The following BCKDHB variants were observed in gnomAD, a reference collection of about 807,000 sequenced individuals.
BCKDHB encodes the protein 2-oxoisovalerate dehydrogenase subunit beta, mitochondrial.
In BCKDHB, 41 loss-of-function variants were observed where a neutral mutation model predicts 48.5. That is an observed-to-expected ratio of 0.85 (90% CI 0.66 to 1.10). The LOEUF (loss-of-function observed/expected upper bound fraction) is 1.10. BCKDHB is among the 50% of genes least tolerant of loss of function. The pLI is 0.00. For synonymous variants in BCKDHB, 201 were observed against 174.8 expected (o/e 1.15, Z -1.18); for missense variants, 496 against 494.2 (o/e 1.00, Z -0.03).
chr6:80,321,858 C>G (rs1213445341), intron 9 of BCKDHB, among the ~76,000 whole-genome samples: 1 of 152,128 alleles, frequency 6.6e-6, no homozygotes, highest in Non-Finnish European at 1.5e-5. Flanking sequence ...ATTGCACCTG[C>G]AATTGATGGA....
intron 3 of BCKDHB, among the ~76,000 whole-genome samples, chr6:80,165,028 G>A (rs1424981524): frequency 1.3e-5 from 2 of 152,232 alleles, no homozygotes; most frequent in South Asian, 2.1e-4. Flanking sequence ...AATCAAACAT[G>A]TTTTGGGGTA....
At chr6:80,363,892 G>T in the BCKDHB span, among the ~76,000 whole-genome samples, 1 of 152,214 alleles carries the variant, frequency 6.6e-6, no homozygotes, top group African/African-American at 2.4e-5. Flanking sequence ...ACTGACATTT[G>T]TATAACACCA....
chr6:80,360,592 T>TGGC, the BCKDHB span, among the ~76,000 whole-genome samples: 1 of 152,222 alleles, frequency 6.6e-6, no homozygotes, highest in Admixed American at 6.5e-5. Context: ...GCCATTTTTT[T>TGGC]ATTAGAAGAA....
the BCKDHB span, among the ~76,000 whole-genome samples, chr6:80,418,008 A>G: frequency 1.3e-5 from 2 of 152,038 alleles, no homozygotes; most frequent in East Asian, 1.9e-4. Context: ...AATCCCATAT[A>G]TCTTGGAGGT....
rs148191757 is a variant in BCKDHB at position 80,165,426 on chromosome 6, G to A, written c.344-2252G>A. ...GCAAACTACAGGATGTGTCTGGTCG[G>A]CATTTCCCAACACCTGCCCCATGTT... On this transcript the variant is annotated intron_variant, in intron 3 of 9. Transcript: ENST00000320393. Among the ~76,000 whole-genome samples, 243 of 152,212 alleles carry A rather than the reference G, an allele frequency of 1.6e-3. 1 individual carries two copies. Among genetic ancestry groups the A allele is most frequent in the African/African-American group, 5.6e-3 (234 of 41,540 alleles).
intron 3 of BCKDHB, among the ~76,000 whole-genome samples, chr6:80,137,272 T>TC (rs1220399503): frequency 2.0e-5 from 3 of 152,196 alleles, no homozygotes; most frequent in Non-Finnish European, 4.4e-5. Context: ...GTACAAACGG[T>TC]CACTGTATTT....
the BCKDHB span, among the ~76,000 whole-genome samples, chr6:80,409,848 G>A: frequency 6.6e-6 from 1 of 151,498 alleles, no homozygotes; most frequent in Non-Finnish European, 1.5e-5. Flanking sequence ...CCTGAATACA[G>A]CACTCTGATG....
At chr6:80,320,125 T>C (rs1768644737) in intron 9 of BCKDHB, among the ~76,000 whole-genome samples, 1 of 152,190 alleles carries the variant, frequency 6.6e-6, no homozygotes, top group Non-Finnish European at 1.5e-5. Flanking sequence ...TTAAATAGGA[T>C]ATGTTTACAT....
At chr6:80,218,289 A>G (rs1181841581) in intron 8 of BCKDHB, among the ~76,000 whole-genome samples, 1 of 152,100 alleles carries the variant, frequency 6.6e-6, no homozygotes, top group Admixed American at 6.6e-5. Context: ...GCTGGAAAAC[A>G]TAGTTTTTTT....
At chr6:80,331,472 C>A (rs1443851652) in intron 9 of BCKDHB, among the ~76,000 whole-genome samples, 1 of 152,150 alleles carries the variant, frequency 6.6e-6, no homozygotes, top group East Asian at 1.9e-4. Flanking sequence ...TAAAAGCAAA[C>A]CACTTCAACC....
chr6:80,405,787 G>A, the BCKDHB span, among the ~76,000 whole-genome samples: 4 of 152,014 alleles, frequency 2.6e-5, no homozygotes, highest in South Asian at 8.3e-4. Context: ...ATTTAATACT[G>A]ATAGCATATA....
the BCKDHB span, among the ~76,000 whole-genome samples, chr6:80,401,975 G>T: frequency 2.0e-4 from 30 of 151,574 alleles, 2 homozygotes; most frequent in Non-Finnish European, 1.5e-5. Flanking sequence ...TCTACATATT[G>T]TATATTGTGT....
the BCKDHB span, among the ~76,000 whole-genome samples, chr6:80,423,445 G>A: frequency 6.6e-6 from 1 of 152,228 alleles, no homozygotes; most frequent in Middle Eastern, 3.4e-3. Flanking sequence ...GATATGGGTT[G>A]GAACCTCTTA....
chr6:80,204,834 G>T (rs1471241576), intron 8 of BCKDHB, among the ~76,000 whole-genome samples: 2 of 151,990 alleles, frequency 1.3e-5, no homozygotes, highest in Admixed American at 6.6e-5. Context: ...ATAGCAGTTT[G>T]CTTTTGCATC....
intron 8 of BCKDHB, among the ~76,000 whole-genome samples, chr6:80,263,884 A>G (rs1464666073): frequency 1.3e-5 from 2 of 152,122 alleles, no homozygotes; most frequent in Non-Finnish European, 2.9e-5. Flanking sequence ...TAGAACTGTT[A>G]TGATGGCCAG....
In BCKDHB at chr6:80,344,075, A is replaced by T. The variant is rs1321188022; in HGVS notation, c.*271A>T. On this transcript the variant is annotated 3_prime_UTR_variant, in exon 10 of 10. Coordinates refer to ENST00000320393, the MANE Select transcript of BCKDHB (RefSeq NM_183050.4). Reference sequence around the variant, plus strand: ...GACTGCAGTGGTGCAATCTCAGCTCACTGCAACCTCCCCCCTACCCCTGAG... The same window carrying T: ...GACTGCAGTGGTGCAATCTCAGCTCTCTGCAACCTCCCCCCTACCCCTGAG... 6.8e-6 allele frequency: 3 copies of T among 443,220 alleles called. No homozygotes were observed. In the East Asian group the frequency reaches 1.5e-4, roughly 22 times the overall value. The allele number at this position is 443,220 out of a possible 1,614,324, so 27.5% of individuals were successfully genotyped here.
chr6:80,249,424 A>C (rs1005382544), intron 8 of BCKDHB, among the ~76,000 whole-genome samples: 1 of 149,196 alleles, frequency 6.7e-6, no homozygotes, highest in Non-Finnish European at 1.5e-5. Flanking sequence ...TTTACCATTA[A>C]AAAAAAAATC....
At chr6:80,152,260 C>G (rs1184402543) in intron 3 of BCKDHB, among the ~76,000 whole-genome samples, 1 of 151,862 alleles carries the variant, frequency 6.6e-6, no homozygotes, top group Non-Finnish European at 1.5e-5. Flanking sequence ...ACTTTAATCT[C>G]TTAGGTTTTA....
intron 3 of BCKDHB, among the ~76,000 whole-genome samples, chr6:80,155,593 CT>C (rs1335402043): frequency 6.6e-6 from 1 of 152,104 alleles, no homozygotes; most frequent in African/African-American, 2.4e-5. Context: ...TCTATGTGCT[CT>C]TTTCATACCC....
Sources: allele counts gnomAD v4.1 joint callset (sites outside exome capture counted in the v4.1 genomes callset), GRCh38; gene constraint gnomAD v4.1.1; transcripts MANE v1.5; gene names NCBI Gene and HGNC (gene_info 2026-07-23, HGNC 2026-07-21).